The following SUPT3H variants were observed in gnomAD, a reference collection of about 807,000 sequenced individuals.
SUPT3H encodes the protein transcription initiation protein SPT3 homolog.
A neutral mutation model predicts 44.3 loss-of-function variants in SUPT3H; 44 were observed. That is an observed-to-expected ratio of 0.99 (90% CI 0.78 to 1.28). SUPT3H has a LOEUF of 1.28. SUPT3H is among the 50% of genes most tolerant of loss of function. The pLI, the probability that SUPT3H is intolerant of heterozygous loss-of-function variation, is 0.00. For missense variants in SUPT3H, 380 were observed against 387.1 expected (o/e 0.98, Z 0.15); for synonymous variants, 124 against 125.6 (o/e 0.99, Z 0.09).
chr6:44,812,440 A>G (rs1766596091), intron 11 of SUPT3H, among the ~76,000 whole-genome samples: 1 of 152,114 alleles, frequency 6.6e-6, no homozygotes, highest in Admixed American at 6.5e-5. Context: ...TCTCTTACCC[A>G]TTCTTCTGCT....
At chr6:45,131,506 G>A (rs1464988535) in intron 2 of SUPT3H, among the ~76,000 whole-genome samples, 1 of 151,746 alleles carries the variant, frequency 6.6e-6, no homozygotes, top group African/African-American at 2.4e-5. Flanking sequence ...TGTAACCACT[G>A]TACCTCAAGT....
chr6:44,949,940 C>G (rs1258734313), intron 9 of SUPT3H, among the ~76,000 whole-genome samples: 1 of 152,140 alleles, frequency 6.6e-6, no homozygotes. Flanking sequence ...CTGCCATCTA[C>G]CTAAGAAAAA....
rs186667321 is a variant in SUPT3H at position 45,202,766 on chromosome 6, C to A, written c.102-96760G>T. Among the ~76,000 whole-genome samples, 232 of 152,042 alleles carry A rather than the reference C, an allele frequency of 1.5e-3. 3 individuals are homozygous for A. Among genetic ancestry groups the A allele is most frequent in the African/African-American group, 5.4e-3 (226 of 41,492 alleles). The stretch of plus-strand genomic sequence containing the variant: ...AAATCTGACATTTATAAATAATATA[C>A]AATTCTATTTAATGAACTAAAGAGC... On this transcript the variant is annotated intron_variant, in intron 2 of 10. Transcript: ENST00000371459.
At chr6:45,239,717 T>C (rs967237874) in intron 2 of SUPT3H, among the ~76,000 whole-genome samples, 3 of 152,232 alleles carry the variant, frequency 2.0e-5, no homozygotes, top group African/African-American at 4.8e-5. Flanking sequence ...AAACAGATGA[T>C]GCCCCAGGCT....
intron 2 of SUPT3H, among the ~76,000 whole-genome samples, chr6:45,353,131 T>G (rs1274838963): frequency 1.3e-5 from 2 of 152,108 alleles, no homozygotes; most frequent in African/African-American, 4.8e-5. Context: ...AAATAAACTT[T>G]CTAAATGTAA....
intron 3 of SUPT3H, among the ~76,000 whole-genome samples, chr6:45,033,742 T>C (rs76505786): frequency 1.1e-3 from 170 of 152,268 alleles, no homozygotes; most frequent in African/African-American, 3.9e-3. Flanking sequence ...GGATTTTAAG[T>C]GTCTCAAAGA....
chr6:45,230,686 A>ATATTTTT (rs796866510), intron 2 of SUPT3H, among the ~76,000 whole-genome samples: 2 of 116,796 alleles, frequency 1.7e-5, no homozygotes, highest in African/African-American at 6.3e-5. Context: ...ATATATATAT[A>ATATTTTT]TTTTTGAGAT....
intron 2 of SUPT3H, among the ~76,000 whole-genome samples, chr6:45,128,726 C>T (rs958970384): frequency 5.7e-4 from 85 of 148,794 alleles, no homozygotes; most frequent in Admixed American, 1.6e-3. Flanking sequence ...CCTTCTGTCA[C>T]CCAGACTGGA....
At chr6:45,224,209 C>T (rs1465068560) in intron 2 of SUPT3H, among the ~76,000 whole-genome samples, 1 of 151,706 alleles carries the variant, frequency 6.6e-6, no homozygotes, top group African/African-American at 2.4e-5. Context: ...TACAGGTTTT[C>T]CTGTTCCCAT....
chr6:45,197,085 C>A (rs1213187809), intron 2 of SUPT3H, among the ~76,000 whole-genome samples: 1 of 151,528 alleles, frequency 6.6e-6, no homozygotes, highest in Non-Finnish European at 1.5e-5. Flanking sequence ...CGTTTTAAGA[C>A]ATAATTCTTC....
chr6:44,909,579 T>C (rs375623443), intron 10 of SUPT3H, among the ~76,000 whole-genome samples: 1 of 152,332 alleles, frequency 6.6e-6, no homozygotes, highest in East Asian at 1.9e-4. Flanking sequence ...ATTTTATAGT[T>C]ATCTAGAATT....
chr6:44,980,529 C>A (rs974689344), intron 6 of SUPT3H, among the ~76,000 whole-genome samples: 2 of 152,096 alleles, frequency 1.3e-5, no homozygotes, highest in Non-Finnish European at 2.9e-5. Context: ...AAGAGAAATG[C>A]AGATTTTCTT....
rs73738620 is a variant in SUPT3H at position 45,155,590 on chromosome 6, A to C, written c.102-49584T>G. Among the ~76,000 whole-genome samples, 594 of 152,252 alleles carry C rather than the reference A, an allele frequency of 3.9e-3. 7 individuals are homozygous for C. Among genetic ancestry groups the C allele is most frequent in the African/African-American group, 0.014 (566 of 41,548 alleles). Reference sequence around the variant, plus strand: ...ATTATCATCCTTGCTTTAAACTATAAGCTAAATTCCTCCCATAGTTAGCTT... The same window carrying C: ...ATTATCATCCTTGCTTTAAACTATACGCTAAATTCCTCCCATAGTTAGCTT... On this transcript the variant is annotated intron_variant, in intron 2 of 10. Coordinates refer to ENST00000371459, the MANE Select transcript of SUPT3H (RefSeq NM_003599.4).
chr6:44,882,143 C>T (rs184966324), intron 10 of SUPT3H, among the ~76,000 whole-genome samples: 273 of 152,014 alleles, frequency 1.8e-3, no homozygotes, highest in African/African-American at 6.4e-3. Context: ...GCTAGCAAGA[C>T]TAATAAAGAA....
intron 2 of SUPT3H, among the ~76,000 whole-genome samples, chr6:45,149,302 T>A (rs1476078113): frequency 6.6e-6 from 1 of 152,110 alleles, no homozygotes; most frequent in Non-Finnish European, 1.5e-5. Context: ...TATGACCTAC[T>A]ACAGTTGAAA....
At chr6:45,286,072 T>C (rs1028943218) in intron 2 of SUPT3H, among the ~76,000 whole-genome samples, 10 of 148,842 alleles carry the variant, frequency 6.7e-5, no homozygotes, top group African/African-American at 2.5e-4. Context: ...GATCCCTTCC[T>C]TACACCTTAT....
At chr6:45,239,028 A>T (rs1378904876) in intron 2 of SUPT3H, among the ~76,000 whole-genome samples, 1 of 152,168 alleles carries the variant, frequency 6.6e-6, no homozygotes, top group Non-Finnish European at 1.5e-5. Context: ...CTTATTCTGG[A>T]TCGAAAGGTA....
At position 45,329,784 on chromosome 6, in the gene SUPT3H, A is replaced by C. The variant is rs577923187; in HGVS notation, c.101+35417T>G. Reference sequence around the variant, plus strand: ...TGATACAGATATGTAAATGACTTTAACATTCATCAGCTGATGTGTTATTAT... The same window carrying C: ...TGATACAGATATGTAAATGACTTTACCATTCATCAGCTGATGTGTTATTAT... On this transcript the variant is annotated intron_variant, in intron 2 of 10. Transcript: ENST00000371459. Among the ~76,000 whole-genome samples, 7 of 151,994 alleles carry C rather than the reference A, an allele frequency of 4.6e-5. No homozygotes were observed. The South Asian group carries it at 1.4e-3, about 31-fold the overall frequency.
chr6:45,242,666 T>A (rs894341049), intron 2 of SUPT3H, among the ~76,000 whole-genome samples: 5 of 152,130 alleles, frequency 3.3e-5, no homozygotes, highest in Non-Finnish European at 7.3e-5. Context: ...CAAGATCAAG[T>A]GTATCTATAA....
Sources: gnomAD v4.1 joint callset for allele counts (sites outside exome capture counted in the v4.1 genomes callset) on GRCh38, gnomAD v4.1.1 for gene constraint, MANE v1.5 for transcripts, NCBI Gene and HGNC (gene_info 2026-07-23, HGNC 2026-07-21) for gene names.